PECR: variants seen among roughly 807,000 people sequenced by gnomAD.
The protein encoded by PECR is peroxisomal trans-2-enoyl-CoA reductase, also known as 2,4-dienoyl-CoA reductase-related protein.
A neutral mutation model predicts 35.3 loss-of-function variants in PECR; 30 were observed. The ratio of observed to expected loss-of-function variants is 0.85; its 90% CI spans 0.64 to 1.15. The LOEUF (loss-of-function observed/expected upper bound fraction) is 1.15. PECR is among the 50% of genes most tolerant of loss of function. PECR has a pLI of 0.00. For synonymous variants in PECR, 148 were observed against 138.9 expected, an observed-to-expected ratio of 1.07 and a Z score of -0.46; for missense variants, 392 against 370.8, an observed-to-expected ratio of 1.06 and a Z score of -0.47.
intron 7 of PECR, among the ~76,000 whole-genome samples, chr2:216,030,609 T>C (rs567144895): frequency 6.6e-6 from 1 of 152,146 alleles, no homozygotes; most frequent in African/African-American, 2.4e-5. Flanking sequence ...AGTGGCACAA[T>C]CTCAGCTCAC....
intron 3 of PECR, among the ~76,000 whole-genome samples, chr2:216,063,032 G>A (rs956434508): frequency 2.0e-5 from 3 of 152,098 alleles, no homozygotes; most frequent in African/African-American, 4.8e-5. Context: ...TAAACAACAC[G>A]ACTGTATTTT....
intron 7 of PECR, among the ~76,000 whole-genome samples, chr2:216,040,008 T>C (rs1223120999): frequency 1.3e-5 from 2 of 152,300 alleles, no homozygotes; most frequent in African/African-American, 2.4e-5. Flanking sequence ...CATCTGGGTA[T>C]GAACACAGAA....
chr2:216,067,211 T>A (rs545543334), intron 1 of PECR, among the ~76,000 whole-genome samples: 1 of 152,040 alleles, frequency 6.6e-6, no homozygotes, highest in Non-Finnish European at 1.5e-5. Flanking sequence ...AGAAAAGATA[T>A]ACAGAGAGCG....
At chr2:216,063,669 C>G (rs1271578827) in intron 3 of PECR, among the ~76,000 whole-genome samples, 1 of 151,882 alleles carries the variant, frequency 6.6e-6, no homozygotes, top group African/African-American at 2.4e-5. Context: ...ACTAAAAGCC[C>G]CAAATAAGTA....
At chr2:216,063,295 G>A (rs1695395293) in intron 3 of PECR, among the ~76,000 whole-genome samples, 1 of 152,008 alleles carries the variant, frequency 6.6e-6, no homozygotes, top group Non-Finnish European at 1.5e-5. Flanking sequence ...TATTTACATG[G>A]TTTTCAGTTT....
intron 1 of PECR, among the ~76,000 whole-genome samples, chr2:216,071,887 CAAA>C (rs1261295452): frequency 6.6e-6 from 1 of 152,156 alleles, no homozygotes; most frequent in Non-Finnish European, 1.5e-5. Flanking sequence ...GCCACTTTGA[CAAA>C]AATTTTTGAA....
chr2:216,047,436 T>C (rs1245090639), intron 6 of PECR, among the ~76,000 whole-genome samples: 1 of 152,166 alleles, frequency 6.6e-6, no homozygotes, highest in Non-Finnish European at 1.5e-5. Flanking sequence ...AGTTATTTTG[T>C]ATATAATACA....
chr2:216,031,603 AGAAG>A (rs1202800829), intron 7 of PECR, among the ~76,000 whole-genome samples: 2 of 150,496 alleles, frequency 1.3e-5, no homozygotes, highest in Non-Finnish European at 3.0e-5. Flanking sequence ...AAAGAAGGAA[AGAAG>A]GAAGAAAAGA....
intron 5 of PECR, 99 bp downstream of exon 5, chr2:216,051,350 A>T: frequency 1.3e-6 from 1 of 753,768 alleles, no homozygotes; most frequent in Non-Finnish European, 2.4e-6. Context: ...TCAATCTTTT[A>T]TGCTATACTT....
At chr2:216,029,567 G>A (rs930387702) in intron 7 of PECR, among the ~76,000 whole-genome samples, 8 of 152,352 alleles carry the variant, frequency 5.3e-5, no homozygotes, top group South Asian at 2.1e-4. Context: ...CCTGCCTCCA[G>A]GCTGGCCCTT....
intron 4 of PECR, among the ~76,000 whole-genome samples, chr2:216,058,527 T>G (rs1455987824): frequency 6.6e-6 from 1 of 152,086 alleles, no homozygotes; most frequent in African/African-American, 2.4e-5. Flanking sequence ...AAATCTAAAT[T>G]AACACAGATT....
Position 216,081,642 on chromosome 2 carries a change from T to A in PECR, c.100A>T (p.Ile34Phe), listed in dbSNP as rs753250250. The A allele has an allele frequency of 1.2e-5, 20 of 1,613,566 alleles. No homozygotes were observed. The highest frequency in any genetic ancestry group is 1.7e-5 in the Non-Finnish European group (20 of 1,179,960). ...CCCAGCTCCAGGAGCTCCTTCACGATGGCTTTTCCGATGCCCGTGGCCCCG... is the reference window on the plus strand; with the variant it reads ...CCCAGCTCCAGGAGCTCCTTCACGAAGGCTTTTCCGATGCCCGTGGCCCCG... ...TGGATGIGKA[I>F]VKELLELGSN... Residue 34 changes from isoleucine (I) to phenylalanine (F), a missense_variant, in exon 1 of 8, where the codon ATC becomes TTC. Ile to Phe is a conservative substitution (Grantham distance 21, BLOSUM62 0). Transcript: ENST00000265322.
At chr2:216,056,592 G>A (rs1312880940) in intron 4 of PECR, among the ~76,000 whole-genome samples, 4 of 151,700 alleles carry the variant, frequency 2.6e-5, no homozygotes, top group Non-Finnish European at 5.9e-5. Flanking sequence ...GTGGTGGTGG[G>A]TGCCTACAAC....
intron 7 of PECR, chr2:216,032,975 T>G (rs1005794093): frequency 6.6e-6 from 1 of 152,238 alleles, no homozygotes; most frequent in Non-Finnish European, 1.5e-5. Context: ...GACGGGCTGG[T>G]GTTCCACAAC....
At chr2:216,036,141 G>C (rs1694789594), downstream of PECR, among the ~76,000 whole-genome samples, 1 of 152,240 alleles carries the variant, frequency 6.6e-6, no homozygotes, top group Non-Finnish European at 1.5e-5. Flanking sequence ...GGAGACGAAA[G>C]AGTGAGCCCC....
chr2:216,066,577 T>A, intron 1 of PECR, 59 bp from the exon 2 acceptor site: 1 of 1,524,898 alleles, frequency 6.6e-7, no homozygotes, highest in Non-Finnish European at 9.1e-7. Context: ...AATGACCACA[T>A]TACACCTTGA....
At chr2:216,069,047 C>T (rs968909919) in intron 1 of PECR, among the ~76,000 whole-genome samples, 10 of 152,076 alleles carry the variant, frequency 6.6e-5, no homozygotes, top group African/African-American at 9.7e-5. Context: ...GAAGTAGAGA[C>T]GGTCCTTCTT....
chr2:216,061,970 A>ATGTGTGTGTG lies in PECR; in HGVS notation c.425-3004_425-2995dup, dbSNP rs5838567. On this transcript the variant is annotated intron_variant, in intron 3 of 7. Coordinates refer to ENST00000265322, the MANE Select transcript of PECR (RefSeq NM_018441.6). ...TTATTTAAAACGAGTGTGTGTGAGTATGTGTGTGTGTGTGCATGATTGTAG... is the reference window on the plus strand; with the variant it reads ...TTATTTAAAACGAGTGTGTGTGAGTATGTGTGTGTGTGTGTGTGTGTGTGCATGATTGTAG... 2.4e-3 allele frequency among the ~76,000 whole-genome samples: 358 copies of ATGTGTGTGTG among 150,540 alleles called. 1 individual carries two copies. The highest frequency in any genetic ancestry group is 8.2e-3 in the African/African-American group (337 of 41,004).
At position 216,075,005 on chromosome 2, in the gene PECR, G is replaced by A. The variant is rs1189818279; in HGVS notation, c.124+6613C>T. On this transcript the variant is annotated intron_variant, in intron 1 of 7. Coordinates refer to ENST00000265322, the MANE Select transcript of PECR (RefSeq NM_018441.6). Reference sequence around the variant, plus strand: ...ATTGAAAAACACAAGATATGGGCCAGGCATGGTGACTCATGCTTGTAATCC... The same window carrying A: ...ATTGAAAAACACAAGATATGGGCCAAGCATGGTGACTCATGCTTGTAATCC... Among the ~76,000 whole-genome samples the A allele has an allele frequency of 4.6e-5, 7 of 152,176 alleles. No individual in the cohort carries two copies. The East Asian group carries it at 1.2e-3, about 25-fold the overall frequency.
Sources: allele counts gnomAD v4.1 joint callset (sites outside exome capture counted in the v4.1 genomes callset), GRCh38; gene constraint gnomAD v4.1.1; transcripts MANE v1.5; gene names NCBI Gene and HGNC (gene_info 2026-07-23, HGNC 2026-07-21).